The following DYNC1H1 variants were observed in gnomAD, a reference collection of about 807,000 sequenced individuals.
DYNC1H1 encodes cytoplasmic dynein 1 heavy chain 1.
Under a neutral mutation model 527.1 loss-of-function variants are expected in DYNC1H1, and 51 were observed. The observed-to-expected ratio is 0.10, with a 90% CI of 0.08 to 0.12. The LOEUF is 0.12. Among genes scored for constraint, DYNC1H1 ranks in the 10% least tolerant of loss-of-function variants. DYNC1H1 has a pLI of 1.00. For synonymous variants in DYNC1H1, 2,189 were observed against 2,278.8 expected (o/e 0.96, Z 1.12); for missense variants, 2,771 against 5,971.8 (o/e 0.46, Z 17.66).
Position 101,979,182 on chromosome 14 carries a change from A to G in DYNC1H1, c.345-137A>G, listed in dbSNP as rs2047834818. 1 of 831,058 alleles carries G rather than the reference A, an allele frequency of 1.2e-6. No homozygotes were observed. The highest frequency in any genetic ancestry group is 1.9e-6 in the Non-Finnish European group (1 of 530,482). The allele number at this position is 831,058 out of a possible 1,614,324, so 51.5% of individuals were successfully genotyped here. The stretch of plus-strand genomic sequence containing the variant: ...CCATAACCTTGATTCAGTAGCTCTC[A>G]TGTACTAAAGAAAGACAAGCAGTGC... On this transcript the variant is annotated intron_variant, in intron 2 of 77. Coordinates refer to ENST00000360184, the MANE Select transcript of DYNC1H1 (RefSeq NM_001376.5). This position sits in a 1 kb window ranked among gnomAD's most constrained non-coding sequence, Gnocchi z 4.6.
Position 102,036,448 on chromosome 14 carries a change from A to G in DYNC1H1, c.10755-41A>G, listed in dbSNP as rs754027029. The G allele has an allele frequency of 1.5e-5, 24 of 1,611,538 alleles. No individual in the cohort carries two copies. The highest frequency in any genetic ancestry group is 2.0e-5 in the Non-Finnish European group (24 of 1,179,222). ...CTAACCGTGATCCTGTGCTTTCCCC[A>G]TTCGGTGTTTCAACCTTCTCTTCTG... On this transcript the variant is annotated intron_variant, in intron 56 of 77. Coordinates refer to ENST00000360184, the MANE Select transcript of DYNC1H1 (RefSeq NM_001376.5). This position sits in a 1 kb window ranked among gnomAD's most constrained non-coding sequence, Gnocchi z 5.6.
chr14:102,016,077 C>G lies in DYNC1H1; in HGVS notation c.7464C>G (p.Arg2488=). Residue 2488 remains arginine (R), a synonymous_variant, in exon 36 of 78, where the codon CGC becomes CGG. Transcript: ENST00000360184. This position sits in a 1 kb window ranked among gnomAD's most constrained non-coding sequence, Gnocchi z 7.3. ...DFPMQIEQLE[R]YIQRYLVYAI... Reference sequence around the variant, plus strand: ...CCATGCAGATCGAGCAGCTGGAGCGCTACATTCAGGTCAGGGGGCATCAGG... The same window carrying G: ...CCATGCAGATCGAGCAGCTGGAGCGGTACATTCAGGTCAGGGGGCATCAGG... The G allele has an allele frequency of 6.2e-7, 1 of 1,608,566 alleles. No homozygotes were observed. Among genetic ancestry groups the G allele is most frequent in the South Asian group, 1.1e-5 (1 of 90,222 alleles).
chr14:102,038,125 G>GTGTACA lies in DYNC1H1; in HGVS notation c.10909-333_10909-332insTACATG. On this transcript the variant is annotated intron_variant, in intron 57 of 77. Transcript: ENST00000360184. This position sits in a 1 kb window ranked among gnomAD's most constrained non-coding sequence, Gnocchi z 7.2. ...CCCAGGTAGCTGGGACTACAGGCAT[G>GTGTACA]TGCCATACACCCCCAGCTAACTTTC... 2.7e-6 allele frequency: 1 copy of GTGTACA among 373,870 alleles called. No homozygotes were observed. The allele number at this position is 373,870 out of a possible 1,614,324, so 23.2% of individuals were successfully genotyped here.
In DYNC1H1 at chr14:102,034,344, G is replaced by A; in HGVS notation, c.10646G>A (p.Arg3549Lys). ...ANIQFRTDIA[R>K]TEYLSNADER... ...TTTCAGTTCCGTACAGATATTGCCA[G>A]GACGGAATACCTTTCCAATGCTGAT... The change falls in exon 56 of 78, where the codon AGG (arginine) becomes AAG (lysine). Residue 3549 changes from arginine to lysine, a missense_variant. Arg to Lys is a conservative substitution (Grantham distance 26). Transcript: ENST00000360184. 6.2e-7 allele frequency: 1 copy of A among 1,614,208 alleles called. No individual in the cohort carries two copies. Among genetic ancestry groups the A allele is most frequent in the Non-Finnish European group, 8.5e-7 (1 of 1,180,040 alleles).
chr14:102,020,183 G>T lies in DYNC1H1; in HGVS notation c.8507+127G>T, dbSNP rs2048369123. 1 of 1,345,064 alleles carries T rather than the reference G, an allele frequency of 7.4e-7. No individual in the cohort carries two copies. The highest frequency in any genetic ancestry group is 1.4e-5 in the African/African-American group (1 of 69,038). 83.3% of individuals were successfully genotyped at this position (1,345,064 alleles called of 1,614,324 possible). A position where few individuals can be genotyped will look rare whatever the true frequency, so the allele number is the denominator to read the frequency against. ...AGCCAGGTGGTGCCAGTGGTGGAAGGAGCAGAGTCAGCCAGGGCAGCCTCC... is the reference window on the plus strand; with the variant it reads ...AGCCAGGTGGTGCCAGTGGTGGAAGTAGCAGAGTCAGCCAGGGCAGCCTCC... On this transcript the variant is annotated intron_variant, in intron 42 of 77. Coordinates refer to ENST00000360184, the MANE Select transcript of DYNC1H1 (RefSeq NM_001376.5). This position sits in a 1 kb window ranked among gnomAD's most constrained non-coding sequence, Gnocchi z 4.3.
chr14:101,991,928 T>C (rs1049077218), intron 11 of DYNC1H1, among the ~76,000 whole-genome samples: 13 of 152,120 alleles, frequency 8.5e-5, no homozygotes, highest in African/African-American at 2.7e-4. Flanking sequence ...CAATTCCTGC[T>C]TCTCCCTCTC....
At chr14:101,996,609 CAT>C (rs1427475693) in intron 15 of DYNC1H1, among the ~76,000 whole-genome samples, 2 of 152,038 alleles carry the variant, frequency 1.3e-5, no homozygotes, top group Non-Finnish European at 2.9e-5. Context: ...GAGAAGAGCA[CAT>C]GTGTTGATCT....
rs2048665946 is a variant in DYNC1H1, at chr14:102,042,609, A to G, written c.12400-26A>G. 15 of 1,614,128 alleles carry G rather than the reference A, an allele frequency of 9.3e-6. No homozygotes were observed. Among genetic ancestry groups the G allele is most frequent in the Non-Finnish European group, 1.2e-5 (14 of 1,180,014 alleles). ...CAGGCGCCCTCATCCACACCCGAGC[A>G]TAACTGGAACGGCGCTCTCCCTTAG... On this transcript the variant is annotated intron_variant, in intron 68 of 77. Coordinates refer to ENST00000360184, the MANE Select transcript of DYNC1H1 (RefSeq NM_001376.5). This position sits in a 1 kb window ranked among gnomAD's most constrained non-coding sequence, Gnocchi z 5.7.
In DYNC1H1 at chr14:101,985,798, C is replaced by A. The variant is rs767736004; in HGVS notation, c.1573C>A (p.Leu525Ile). ...TGCAAATGCCATTGAGGAAGTAAAC[C>A]TTGCTTATGAGAACGTCAAGGAAGT... ...ADANAIEEVN[L>I]AYENVKEVDG... Residue 525 changes from leucine to isoleucine, a missense_variant, in exon 8 of 78, where the codon CTT becomes ATT. Transcript: ENST00000360184. This position sits in a 1 kb window ranked among gnomAD's most constrained non-coding sequence, Gnocchi z 5.9. 2 of 1,614,108 alleles carry A rather than the reference C, an allele frequency of 1.2e-6. No homozygotes were observed. Among genetic ancestry groups the A allele is most frequent in the South Asian group, 2.2e-5 (2 of 91,076 alleles).
At chr14:101,975,852 A>C in intron 2 of DYNC1H1, 53 bp downstream of exon 2, 1 of 1,362,536 alleles carries the variant, frequency 7.3e-7, no homozygotes. Flanking sequence ...GTGAGAATTA[A>C]TATGAATCTT....
rs2048324199 is a variant in DYNC1H1, at chr14:102,016,481, G to A, written c.7606G>A (p.Asp2536Asn). Residue 2536 changes from aspartate to asparagine, a missense_variant, in exon 37 of 78, where the codon GAT becomes AAT. By Grantham distance (23) the Asp-to-Asn change is conservative. This residue lies in a region of DYNC1H1 where 71 missense variants were observed against 143.6 expected (regional missense o/e 0.49). Coordinates refer to ENST00000360184, the MANE Select transcript of DYNC1H1 (RefSeq NM_001376.5). This position sits in a 1 kb window ranked among gnomAD's most constrained non-coding sequence, Gnocchi z 7.3. Reference sequence around the variant, plus strand: ...CACTGCGCCCAACATACCCATTATCGATTATGAGGTGAGCATGCAGCTACC... The same window carrying A: ...CACTGCGCCCAACATACCCATTATCAATTATGAGGTGAGCATGCAGCTACC... The part of the protein sequence containing the change: ...LPTAPNIPII[D>N]YEVSISGEWS... 1.2e-6 allele frequency: 2 copies of A among 1,614,080 alleles called. No homozygotes were observed. The highest frequency in any genetic ancestry group is 1.7e-5 in the Admixed American group (1 of 60,010).
chr14:102,034,568 A>G, intron 56 of DYNC1H1, 116 bp downstream of exon 56: 9 of 1,550,950 alleles, frequency 5.8e-6, no homozygotes, highest in Middle Eastern at 2.3e-4. Flanking sequence ...GTGGGCATAC[A>G]GTGCTGGCAG....
At chr14:102,030,063 TG>T (rs2048493773) in intron 50 of DYNC1H1, 98 bp from the exon 51 acceptor site, 2 of 1,577,714 alleles carry the variant, frequency 1.3e-6, no homozygotes, top group African/African-American at 2.7e-5. Flanking sequence ...AGAGAGTGTG[TG>T]TGTGTGTGTG....
At chr14:101,993,003 T>C (rs909150845) in intron 11 of DYNC1H1, among the ~76,000 whole-genome samples, 4 of 151,896 alleles carry the variant, frequency 2.6e-5, no homozygotes, top group Non-Finnish European at 5.9e-5. Context: ...TGTGTTCGTA[T>C]CTCCAGCTGA....
chr14:101,971,762 A>G (rs1444844803), intron 1 of DYNC1H1, among the ~76,000 whole-genome samples: 1 of 152,226 alleles, frequency 6.6e-6, no homozygotes, highest in Non-Finnish European at 1.5e-5. Flanking sequence ...TACCTAATTC[A>G]TAGTTTAATG....
At position 102,005,292 on chromosome 14, in the gene DYNC1H1, C is replaced by G; in HGVS notation, c.5433+56C>G. 6.2e-7 allele frequency: 1 copy of G among 1,602,386 alleles called. No homozygotes were observed. ...AGTTAGACTCTTACACCCTCAACCA[C>G]ACAGTTAAATGGAAATCATGCTTGA... is the stretch of plus-strand genomic sequence containing the variant. On this transcript the variant is annotated intron_variant, in intron 26 of 77. Coordinates refer to ENST00000360184, the MANE Select transcript of DYNC1H1 (RefSeq NM_001376.5). The surrounding 1 kb of genome is among the most constrained non-coding windows in gnomAD (Gnocchi z 4.0).
Position 102,029,469 on chromosome 14 carries a change from CA to C in DYNC1H1, c.9469-66del, listed in dbSNP as rs1409663493. On this transcript the variant is annotated intron_variant, in intron 48 of 77. Coordinates refer to ENST00000360184, the MANE Select transcript of DYNC1H1 (RefSeq NM_001376.5). This position sits in a 1 kb window ranked among gnomAD's most constrained non-coding sequence, Gnocchi z 5.3. Reference sequence around the variant, plus strand: ...TCATGTCACACCCATCTGCCAAGGCCAAAATTGTTTTCTGAGGTTAAGTCAC... The same window carrying C: ...TCATGTCACACCCATCTGCCAAGGCCAAATTGTTTTCTGAGGTTAAGTCAC... 1 of 1,609,312 alleles carries C rather than the reference CA, an allele frequency of 6.2e-7. No homozygotes were observed. The highest frequency in any genetic ancestry group is 1.3e-5 in the African/African-American group (1 of 74,792).
In DYNC1H1 at chr14:102,041,446, G is replaced by C. The variant is rs951472620; in HGVS notation, c.11942-128G>C. ...CACAGCAGATGTGGCTGAATTTCCT[G>C]ATTTGAGCTGATCCTGAAATGCTGA... On this transcript the variant is annotated intron_variant, in intron 64 of 77. Coordinates refer to ENST00000360184, the MANE Select transcript of DYNC1H1 (RefSeq NM_001376.5). This position sits in a 1 kb window ranked among gnomAD's most constrained non-coding sequence, Gnocchi z 4.5. The C allele has an allele frequency of 2.0e-6, 3 of 1,493,728 alleles. No homozygotes were observed. Among genetic ancestry groups the C allele is most frequent in the Non-Finnish European group, 2.8e-6 (3 of 1,081,108 alleles). 92.5% of individuals were successfully genotyped at this position (1,493,728 alleles called of 1,614,324 possible).
chr14:101,984,423 GTGTGTGTGTA>G (rs1396485192), intron 7 of DYNC1H1, among the ~76,000 whole-genome samples: 4 of 123,610 alleles, frequency 3.2e-5, no homozygotes, highest in African/African-American at 1.1e-4. Flanking sequence ...GTGTGTGTGT[GTGTGTGTGTA>G]TATATATATA....
Sources: gnomAD v4.1 joint callset for allele counts (sites outside exome capture counted in the v4.1 genomes callset) on GRCh38, gnomAD v4.1.1 for gene constraint, gnomAD v4.1.1 regional missense constraint, Gnocchi (gnomAD v3.1) non-coding constraint, MANE v1.5 for transcripts, NCBI Gene and HGNC (gene_info 2026-07-23, HGNC 2026-07-21) for gene names.